CLCN4: variants seen among roughly 807,000 people sequenced by gnomAD.
CLCN4 encodes H(+)/Cl(-) exchange transporter 4.
Under a neutral mutation model 41.7 loss-of-function variants are expected in CLCN4, and 1 was observed. The observed-to-expected ratio is 0.02, with a 90% CI of 0.01 to 0.11. The LOEUF is 0.11. CLCN4 is among the 10% of genes least tolerant of loss of function. The probability of loss-of-function intolerance (pLI) is 1.00; values close to 1 mark genes in which losing one functional copy is unlikely to be tolerated. For missense variants in CLCN4, 287 were observed against 661.0 expected (o/e 0.43, Z 6.20); for synonymous variants, 277 against 285.8 (o/e 0.97, Z 0.31).
chrX:10,163,983 T>G (rs1923179251), intron 2 of CLCN4, among the ~76,000 whole-genome samples: 1 of 112,753 alleles, frequency 8.9e-6, no homozygotes, highest in Non-Finnish European at 1.9e-5. Context: ...CCTACAAGTC[T>G]AGGCAGTGGG....
At position 10,234,920 on chromosome X, in the gene CLCN4, G is replaced by A. The variant is rs1293912523; in HGVS notation, c.*1336G>A. The A allele has an allele frequency of 8.9e-6, 1 of 112,252 alleles. No homozygotes were observed. The highest frequency in any genetic ancestry group is 3.2e-5 in the African/African-American group (1 of 30,885). The allele number at this position is 112,252 out of a possible 1,213,427, so 9.3% of individuals were successfully genotyped here. A position where few individuals can be genotyped will look rare whatever the true frequency, so the allele number is the denominator to read the frequency against. On this transcript the variant is annotated 3_prime_UTR_variant, in exon 13 of 13. Coordinates refer to ENST00000380833, the MANE Select transcript of CLCN4 (RefSeq NM_001830.4). Reference sequence around the variant, plus strand: ...CTGTGTAAGTAAGATTATCCCACTTGCCCTTTCTCTTTAGTCTTTGTCCCT... The same window carrying A: ...CTGTGTAAGTAAGATTATCCCACTTACCCTTTCTCTTTAGTCTTTGTCCCT...
rs760253224 is a variant in CLCN4, at chrX:10,194,970, G to T, written c.304G>T (p.Val102Phe). Residue 102 changes from valine (V) to phenylalanine (F), a missense_variant, in exon 5 of 13, where the codon GTC (valine) becomes TTC (phenylalanine). Physicochemically the swap from Val to Phe is conservative, Grantham distance 50. This residue lies in a region of CLCN4 where 90 missense variants were observed against 209.8 expected (regional missense o/e 0.43). Transcript: ENST00000380833. ...CTGGATGACGGACCTGAAGGAGGGG[G>T]TCTGCCTGTCTGCCTTCTGGTATAG... ...VDWMTDLKEG[V>F]CLSAFWYSHE... 3.3e-6 allele frequency: 4 copies of T among 1,211,149 alleles called. No homozygotes were observed. The Admixed American group carries it at 6.5e-5, about 20-fold the overall frequency.
In CLCN4 at chrX:10,212,612, C is replaced by T. The variant is rs1477351576; in HGVS notation, c.1535C>T (p.Thr512Met). 4 of 1,209,456 alleles carry T rather than the reference C, an allele frequency of 3.3e-6. No homozygotes were observed. The highest frequency in any genetic ancestry group is 1.8e-5 in the South Asian group (1 of 56,739). Residue 512 changes from threonine to methionine, a missense_variant, in exon 10 of 13, where the codon ACG becomes ATG. Coordinates refer to ENST00000380833, the MANE Select transcript of CLCN4 (RefSeq NM_001830.4). ...TGCAGACCCGGTGCAGACTGTGTCA[C>T]GCCAGGGCTGTACGCAATGGTGGGA... ...NWCRPGADCV[T>M]PGLYAMVGAA... is the part of the protein sequence containing the mutation.
chrX:10,216,927 A>ACACACACACG (rs1924738687), intron 11 of CLCN4, among the ~76,000 whole-genome samples: 3 of 86,609 alleles, frequency 3.5e-5, no homozygotes, highest in Non-Finnish European at 6.9e-5. Context: ...ATACACACAC[A>ACACACACACG]CACATAGAGG....
At chrX:10,165,455 C>T in intron 2 of CLCN4, among the ~76,000 whole-genome samples, 1 of 112,076 alleles carries the variant, frequency 8.9e-6, no homozygotes, top group Non-Finnish European at 1.9e-5. Context: ...CCCCTCTTTC[C>T]ATCTGAGGCA....
rs868499434 is a variant in CLCN4 at position 10,196,538 on chromosome X, C to G, written c.433-1401C>G. Among the ~76,000 whole-genome samples the G allele has an allele frequency of 6.2e-5, 5 of 80,901 alleles. No homozygotes were observed. The East Asian group carries it at 1.4e-3, about 22-fold the overall frequency. 70.3% of individuals were successfully genotyped at this position (80,901 alleles called of 115,157 possible). On this transcript the variant is annotated intron_variant, in intron 5 of 12. Transcript: ENST00000380833. ...ATTTATACATCTCCTCCCTTCCCCA[C>G]TTTTTTTTTTTTTTTTTGCCTGACT...
intron 2 of CLCN4, among the ~76,000 whole-genome samples, chrX:10,176,882 G>A (rs1403365530): frequency 2.7e-5 from 3 of 112,238 alleles, no homozygotes; most frequent in Admixed American, 9.4e-5. Flanking sequence ...CAACCACAGC[G>A]TTTTATGGAC....
intron 11 of CLCN4, among the ~76,000 whole-genome samples, chrX:10,218,244 T>C (rs1924778098): frequency 8.9e-6 from 1 of 112,496 alleles, no homozygotes; most frequent in Non-Finnish European, 1.9e-5. Flanking sequence ...AAAGGAAACA[T>C]TTAAAAAGCC....
At position 10,213,944 on chromosome X, in the gene CLCN4, C is replaced by A. The variant is rs1403529155; in HGVS notation, c.1840C>A (p.Gln614Lys). The change falls in exon 11 of 13, where the codon CAG (glutamine) becomes AAG (lysine). Residue 614 changes from glutamine (Q) to lysine (K), a missense_variant. Physicochemically the swap from Gln to Lys is moderately conservative, Grantham distance 53. Coordinates refer to ENST00000380833, the MANE Select transcript of CLCN4 (RefSeq NM_001830.4). ...AGAGCCGCCACTGTCGGTGCTCACC[C>A]AGGACAGCATGACTGTCGAGGACGT... is the stretch of plus-strand genomic sequence containing the variant. The part of the protein sequence containing the change: ...RGEPPLSVLT[Q>K]DSMTVEDVET... 27 of 1,210,947 alleles carry A rather than the reference C, an allele frequency of 2.2e-5. No homozygotes were observed. The highest frequency in any genetic ancestry group is 3.0e-5 in the Non-Finnish European group (27 of 895,394).
rs775095254 is a variant in CLCN4, at chrX:10,216,449, C to T, written c.1975+2370C>T. On this transcript the variant is annotated intron_variant, in intron 11 of 12. Coordinates refer to ENST00000380833, the MANE Select transcript of CLCN4 (RefSeq NM_001830.4). Reference sequence around the variant, plus strand: ...TCATTGCTCTGCAAATATGAGGACTCGCCTGTACTTAGCAGGGCTCAGGTG... The same window carrying T: ...TCATTGCTCTGCAAATATGAGGACTTGCCTGTACTTAGCAGGGCTCAGGTG... 1.1e-4 allele frequency among the ~76,000 whole-genome samples: 12 copies of T among 111,221 alleles called. No individual in the cohort carries two copies. The South Asian group carries it at 2.7e-3, about 25-fold the overall frequency.
At chrX:10,179,714 T>A (rs1435070199) in intron 2 of CLCN4, among the ~76,000 whole-genome samples, 1 of 111,877 alleles carries the variant, frequency 8.9e-6, no homozygotes, top group Non-Finnish European at 1.9e-5. Flanking sequence ...AGGGGTGTTT[T>A]CATGAAACAT....
chrX:10,161,689 C>T (rs1180772355), intron 2 of CLCN4, among the ~76,000 whole-genome samples: 1 of 111,269 alleles, frequency 9.0e-6, no homozygotes, highest in Non-Finnish European at 1.9e-5. Context: ...GTGATCCCCA[C>T]CCCTGGCAGC....
chrX:10,191,184 T>C (rs1004198703), intron 4 of CLCN4, among the ~76,000 whole-genome samples: 6 of 112,174 alleles, frequency 5.3e-5, no homozygotes, highest in African/African-American at 1.9e-4. Flanking sequence ...ATCAAGCCCC[T>C]GCTCCCCAAC....
chrX:10,186,315 G>T (rs905607651), intron 3 of CLCN4, among the ~76,000 whole-genome samples: 2 of 111,410 alleles, frequency 1.8e-5, no homozygotes, highest in African/African-American at 6.5e-5. Context: ...CCACGGTGGC[G>T]TGGGTGTGCA....
At chrX:10,210,426 C>T (rs999853019) in intron 9 of CLCN4, among the ~76,000 whole-genome samples, 1 of 111,340 alleles carries the variant, frequency 9.0e-6, no homozygotes, top group Non-Finnish European at 1.9e-5. Context: ...CATTATCCAC[C>T]TCCCAGAGCC....
intron 7 of CLCN4, 42 bp downstream of exon 7, chrX:10,206,606 C>T (rs1924393715): frequency 5.9e-6 from 7 of 1,196,028 alleles, no homozygotes; most frequent in African/African-American, 1.7e-5. Flanking sequence ...ACTTTCTTCT[C>T]AAAGCCCCCT....
At chrX:10,185,768 CCGAGGATCTGGT>C (rs938645103) in intron 3 of CLCN4, among the ~76,000 whole-genome samples, 5 of 111,217 alleles carry the variant, frequency 4.5e-5, no homozygotes, top group Admixed American at 2.9e-4. Context: ...TCAGGGAGCT[CCGAGGATCTGGT>C]GGAGGATTCC....
intron 2 of CLCN4, among the ~76,000 whole-genome samples, chrX:10,179,315 T>C (rs1923614235): frequency 9.0e-6 from 1 of 111,565 alleles, no homozygotes; most frequent in Non-Finnish European, 1.9e-5. Context: ...CCCAGGGTCC[T>C]GGCTTTTGAG....
chrX:10,215,825 C>T (rs1010428767), intron 11 of CLCN4, among the ~76,000 whole-genome samples: 3 of 111,881 alleles, frequency 2.7e-5, no homozygotes, highest in Admixed American at 9.5e-5. Flanking sequence ...GTACTCTTCT[C>T]GAAGCTATGT....
Sources: gnomAD v4.1 joint callset for allele counts (sites outside exome capture counted in the v4.1 genomes callset) on GRCh38, gnomAD v4.1.1 for gene constraint, gnomAD v4.1.1 regional missense constraint, MANE v1.5 for transcripts, NCBI Gene and HGNC (gene_info 2026-07-23, HGNC 2026-07-21) for gene names.